The following SPTBN1 variants were observed in gnomAD, a reference collection of about 807,000 sequenced individuals.
SPTBN1 encodes the protein spectrin beta chain, non-erythrocytic 1.
Under a neutral mutation model 266.4 loss-of-function variants are expected in SPTBN1, and 32 were observed. The ratio of observed to expected loss-of-function variants is 0.12; its 90% CI spans 0.09 to 0.16. The LOEUF is 0.16. Ranked by LOEUF, SPTBN1 falls within the 10% of genes least tolerant of loss-of-function variation. The pLI, the probability that SPTBN1 is intolerant of heterozygous loss-of-function variation, is 1.00. For synonymous variants in SPTBN1, 1,336 were observed against 1,162.2 expected, an observed-to-expected ratio of 1.15 and a Z score of -3.04; for missense variants, 2,296 against 3,067.1, an observed-to-expected ratio of 0.75 and a Z score of 5.94.
intron 3 of SPTBN1, among the ~76,000 whole-genome samples, chr2:54,604,543 G>C (rs1314206718): frequency 6.6e-6 from 1 of 152,110 alleles, no homozygotes; most frequent in Non-Finnish European, 1.5e-5. Context: ...TCCTCTCTAA[G>C]GGTTTTTGGT....
At position 54,667,722 on chromosome 2, in the gene SPTBN1, A is replaced by G. The variant is rs949207650; in HGVS notation, c.6876+76A>G. The G allele has an allele frequency of 3.8e-6, 5 of 1,310,806 alleles. No homozygotes were observed. In the African/African-American group the frequency reaches 7.3e-5, roughly 19 times the overall value. The allele number at this position is 1,310,806 out of a possible 1,614,324, so 81.2% of individuals were successfully genotyped here. On this transcript the variant is annotated intron_variant, in intron 35 of 35. Transcript: ENST00000356805. ...TTGTGTGATGATGGGCTTTATTCAG[A>G]AAGTTCTTCATGTAAATGATGATCA...
At chr2:54,548,075 G>A (rs1222594865) in intron 2 of SPTBN1, among the ~76,000 whole-genome samples, 2 of 152,160 alleles carry the variant, frequency 1.3e-5, no homozygotes, top group African/African-American at 4.8e-5. Context: ...CCCAGGAGGT[G>A]GAGCTTGCAG....
chr2:54,652,558 C>T (rs1047004319), intron 26 of SPTBN1: 32 of 152,330 alleles, frequency 2.1e-4, no homozygotes, highest in African/African-American at 7.2e-4. Context: ...ATGCATATTT[C>T]GTATCCTAAA....
At chr2:54,513,285 T>G (rs1669950842) in intron 1 of SPTBN1, among the ~76,000 whole-genome samples, 1 of 152,226 alleles carries the variant, frequency 6.6e-6, no homozygotes, top group Non-Finnish European at 1.5e-5. Flanking sequence ...CACATATCAC[T>G]TAGTATAGTG....
At chr2:54,630,527 A>G (rs192079422) in intron 15 of SPTBN1, among the ~76,000 whole-genome samples, 1 of 152,332 alleles carries the variant, frequency 6.6e-6, no homozygotes, top group East Asian at 1.9e-4. Flanking sequence ...GAAAACGTTC[A>G]TTAGGTAGAG....
intron 3 of SPTBN1, among the ~76,000 whole-genome samples, chr2:54,608,714 G>GCACA (rs760235577): frequency 6.6e-6 from 1 of 151,274 alleles, no homozygotes; most frequent in African/African-American, 2.4e-5. Context: ...GTGCGCGCAT[G>GCACA]CACACACACA....
At chr2:54,562,870 C>A (rs543808657) in intron 2 of SPTBN1, among the ~76,000 whole-genome samples, 3 of 152,070 alleles carry the variant, frequency 2.0e-5, no homozygotes, top group Non-Finnish European at 4.4e-5. Context: ...GAAATGCTTA[C>A]CATTTTTAAA....
intron 2 of SPTBN1, among the ~76,000 whole-genome samples, chr2:54,571,499 C>A (rs1674065149): frequency 1.3e-5 from 2 of 151,696 alleles, no homozygotes; most frequent in South Asian, 2.1e-4. Context: ...GGTGGTGAGT[C>A]CCCCAGTTAT....
At chr2:54,487,334 CATT>C (rs1283500660) in intron 1 of SPTBN1, among the ~76,000 whole-genome samples, 1 of 151,888 alleles carries the variant, frequency 6.6e-6, no homozygotes, top group East Asian at 1.9e-4. Flanking sequence ...TAATGGAAAA[CATT>C]ATTCTCAGGA....
intron 1 of SPTBN1, among the ~76,000 whole-genome samples, chr2:54,488,980 C>G (rs747260589): frequency 6.6e-6 from 1 of 151,696 alleles, no homozygotes; most frequent in Non-Finnish European, 1.5e-5. Flanking sequence ...ACTTTTAATG[C>G]TGGGATTTGA....
At chr2:54,512,092 G>C (rs1669885660) in intron 1 of SPTBN1, among the ~76,000 whole-genome samples, 1 of 152,178 alleles carries the variant, frequency 6.6e-6, no homozygotes, top group African/African-American at 2.4e-5. Flanking sequence ...ATGCCACCAT[G>C]AATCTGACAG....
chr2:54,513,714 A>C (rs1300042622), intron 1 of SPTBN1, among the ~76,000 whole-genome samples: 2 of 152,214 alleles, frequency 1.3e-5, no homozygotes, highest in African/African-American at 4.8e-5. Context: ...AATTTAGTCA[A>C]CCAGAAGACA....
chr2:54,574,806 C>G (rs1029255071), intron 2 of SPTBN1, among the ~76,000 whole-genome samples: 1 of 152,180 alleles, frequency 6.6e-6, no homozygotes, highest in Non-Finnish European at 1.5e-5. Flanking sequence ...ACTTCTTTCT[C>G]CTGCATCAAA....
intron 4 of SPTBN1, among the ~76,000 whole-genome samples, chr2:54,615,660 G>T (rs1444812554): frequency 1.3e-5 from 2 of 152,222 alleles, no homozygotes; most frequent in East Asian, 1.9e-4. Context: ...CATCCAGGCA[G>T]TCTGACTTTG....
At chr2:54,557,977 C>G (rs1462622095) in intron 2 of SPTBN1, 11 of 985,100 alleles carry the variant, frequency 1.1e-5, no homozygotes, top group Non-Finnish European at 1.2e-5. Flanking sequence ...GTTACCTCAG[C>G]AGACGCTAGA....
intron 1 of SPTBN1, among the ~76,000 whole-genome samples, chr2:54,514,831 T>C (rs1052512423): frequency 6.6e-6 from 1 of 152,234 alleles, no homozygotes; most frequent in Non-Finnish European, 1.5e-5. Context: ...CAGTCCTTGC[T>C]CTTTCCTGGG....
intron 29 of SPTBN1, 136 bp from the exon 30 acceptor site, chr2:54,657,714 A>G: frequency 1.0e-6 from 1 of 997,446 alleles, no homozygotes; most frequent in East Asian, 2.6e-5. Flanking sequence ...TACATTGGAC[A>G]GGGCTAATTT....
At chr2:54,470,372 A>G (rs994663556) in intron 1 of SPTBN1, among the ~76,000 whole-genome samples, 1 of 152,230 alleles carries the variant, frequency 6.6e-6, no homozygotes, top group Non-Finnish European at 1.5e-5. Flanking sequence ...TTCACGTGAA[A>G]TAAACCTATC....
chr2:54,663,983 G>T (rs1681211736), intron 32 of SPTBN1: 1 of 152,990 alleles, frequency 6.5e-6, no homozygotes, highest in Admixed American at 6.5e-5. Context: ...TACTCTGGGG[G>T]AATGCCATGT....
Sources: allele counts gnomAD v4.1 joint callset (sites outside exome capture counted in the v4.1 genomes callset), GRCh38; gene constraint gnomAD v4.1.1; transcripts MANE v1.5; gene names NCBI Gene and HGNC (gene_info 2026-07-23, HGNC 2026-07-21).